TET2: variants seen among roughly 807,000 people sequenced by gnomAD.
TET2 encodes methylcytosine dioxygenase TET2.
TET2 carries 299 observed loss-of-function variants against 142.9 expected under a neutral mutation model. The ratio of observed to expected loss-of-function variants is 2.09; its 90% CI spans 1.90 to 2.30. The LOEUF (loss-of-function observed/expected upper bound fraction) is 2.30. Ranked by LOEUF, TET2 falls within the 30% of genes most tolerant of loss-of-function variation. TET2 has a pLI of 0.00. For synonymous variants in TET2, 819 were observed against 849.0 expected (o/e 0.96, Z 0.61); for missense variants, 2,418 against 2,378.0 (o/e 1.02, Z -0.35).
intron 1 of TET2, chr4:105,171,591 A>C (rs1437945425): frequency 1.3e-5 from 2 of 152,206 alleles, no homozygotes; most frequent in Admixed American, 6.5e-5. Context: ...ACTTACTGAG[A>C]TATCTTCTGT....
intron 6 of TET2, among the ~76,000 whole-genome samples, chr4:105,250,787 G>A (rs950956498): frequency 2.0e-5 from 3 of 152,040 alleles, no homozygotes; most frequent in Admixed American, 6.6e-5. Flanking sequence ...CCACCTCCGG[G>A]TTCAAGTGAT....
chr4:105,182,835 A>T lies in TET2; in HGVS notation c.-192-7525A>T, dbSNP rs563042137. Among the ~76,000 whole-genome samples, 6 of 152,206 alleles carry T rather than the reference A, an allele frequency of 3.9e-5. No homozygotes were observed. In the East Asian group the frequency reaches 1.2e-3, roughly 29 times the overall value. Reference sequence around the variant, plus strand: ...TAGAATTTTTATAATTGATCCTTTGATGTTTATATTCATGATATTAATGTA... The same window carrying T: ...TAGAATTTTTATAATTGATCCTTTGTTGTTTATATTCATGATATTAATGTA... On this transcript the variant is annotated intron_variant, in intron 1 of 10. Coordinates refer to ENST00000380013, the MANE Select transcript of TET2 (RefSeq NM_001127208.3).
intron 6 of TET2, among the ~76,000 whole-genome samples, chr4:105,244,946 A>G (rs763806640): frequency 1.3e-5 from 2 of 152,190 alleles, no homozygotes; most frequent in Non-Finnish European, 2.9e-5. Context: ...TTAATTTTGC[A>G]CTATTTCCTT....
At chr4:105,191,680 A>G (rs1725798233) in intron 2 of TET2, among the ~76,000 whole-genome samples, 1 of 152,152 alleles carries the variant, frequency 6.6e-6, no homozygotes, top group Admixed American at 6.5e-5. Flanking sequence ...GATACTTCTC[A>G]GAGACTGTTC....
At chr4:105,153,507 G>A (rs1038769860) in intron 1 of TET2, among the ~76,000 whole-genome samples, 1 of 152,100 alleles carries the variant, frequency 6.6e-6, no homozygotes, top group African/African-American at 2.4e-5. Context: ...TGATAGAATG[G>A]CCTTTATGTT....
At position 105,277,623 on chromosome 4, in the gene TET2, G is replaced by A. The variant is rs890116607; in HGVS notation, c.*1104G>A. 2 of 229,322 alleles carry A rather than the reference G, an allele frequency of 8.7e-6. No homozygotes were observed. The highest frequency in any genetic ancestry group is 1.7e-5 in the Non-Finnish European group (2 of 115,776). The allele number at this position is 229,322 out of a possible 1,614,324, so 14.2% of individuals were successfully genotyped here. ...ACACAGCCAGTTAAATCCACCATGG[G>A]GCTTACTGGATTCAAGGGAATACGT... On this transcript the variant is annotated 3_prime_UTR_variant, in exon 11 of 11. Transcript: ENST00000380013.
chr4:105,275,944 G>A lies in TET2; in HGVS notation c.5434G>A (p.Val1812Ile), dbSNP rs2110315157. ...PALNHDRTACVQGGLHKLSDA... is the reference protein window; with the variant it reads ...PALNHDRTACIQGGLHKLSDA... ...TCTTAACCATGATAGAACTGCTTGT[G>A]TCCAAGGAGGCTTACACAAATTAAG... Residue 1812 changes from valine (V) to isoleucine (I), a missense_variant, in exon 11 of 11, where the codon GTC (valine) becomes ATC (isoleucine). Physicochemically the swap from Val to Ile is conservative, Grantham distance 29. Coordinates refer to ENST00000380013, the MANE Select transcript of TET2 (RefSeq NM_001127208.3). The A allele has an allele frequency of 2.6e-6, 4 of 1,551,906 alleles. No individual in the cohort carries two copies. The highest frequency in any genetic ancestry group is 3.5e-6 in the Non-Finnish European group (4 of 1,147,000).
At chr4:105,198,656 A>G (rs1188498037) in intron 2 of TET2, among the ~76,000 whole-genome samples, 1 of 152,236 alleles carries the variant, frequency 6.6e-6, no homozygotes, top group Non-Finnish European at 1.5e-5. Context: ...TATTATTATC[A>G]TCTGGAAAAA....
At chr4:105,220,777 C>T (rs906476066) in intron 2 of TET2, among the ~76,000 whole-genome samples, 6 of 152,154 alleles carry the variant, frequency 3.9e-5, no homozygotes, top group South Asian at 2.1e-4. Flanking sequence ...TCTCACTGCA[C>T]AGTACCCTGA....
chr4:105,193,921 G>T (rs1725929680), intron 2 of TET2, among the ~76,000 whole-genome samples: 1 of 152,044 alleles, frequency 6.6e-6, no homozygotes, highest in Non-Finnish European at 1.5e-5. Context: ...TCCAAATTTT[G>T]TATTTTTATA....
Position 105,156,161 on chromosome 4 carries a change from C to T in TET2, c.-193+9182C>T, listed in dbSNP as rs146968833. ...AGTACTTCATCTTTGCTTTTTAATG[C>T]ACTTCCAAAAAATGTAAATCTGTTC... On this transcript the variant is annotated intron_variant, in intron 1 of 10. Coordinates refer to ENST00000380013, the MANE Select transcript of TET2 (RefSeq NM_001127208.3). 7.6e-3 allele frequency among the ~76,000 whole-genome samples: 1,162 copies of T among 152,234 alleles called. 6 individuals are homozygous for T. Among genetic ancestry groups the T allele is most frequent in the Non-Finnish European group, 0.012 (829 of 68,000 alleles).
chr4:105,159,813 G>A (rs1456463334), intron 1 of TET2, among the ~76,000 whole-genome samples: 1 of 152,072 alleles, frequency 6.6e-6, no homozygotes, highest in Non-Finnish European at 1.5e-5. Flanking sequence ...AGATCATCCT[G>A]GCCAACACGG....
chr4:105,248,257 G>GT, intron 6 of TET2, among the ~76,000 whole-genome samples: 1 of 152,108 alleles, frequency 6.6e-6, no homozygotes, highest in Admixed American at 6.5e-5. Flanking sequence ...ATCATTGCCT[G>GT]TTTCTATTAT....
At chr4:105,267,838 A>C (rs1386842218) in intron 8 of TET2, among the ~76,000 whole-genome samples, 1 of 152,090 alleles carries the variant, frequency 6.6e-6, no homozygotes, top group Non-Finnish European at 1.5e-5. Context: ...ATAAAAAATG[A>C]TGTTGAAAAG....
At position 105,278,614 on chromosome 4, in the gene TET2, T is replaced by A. The variant is rs1731326636; in HGVS notation, c.*2095T>A. On this transcript the variant is annotated 3_prime_UTR_variant, in exon 11 of 11. Coordinates refer to ENST00000380013, the MANE Select transcript of TET2 (RefSeq NM_001127208.3). ...CTTTTATTTTGAATCCCTTCTATTTTACTTGTACATGTGCTGATGTAACTA... is the reference window on the plus strand; with the variant it reads ...CTTTTATTTTGAATCCCTTCTATTTAACTTGTACATGTGCTGATGTAACTA... The A allele has an allele frequency of 8.6e-6, 2 of 232,276 alleles. No homozygotes were observed. Among genetic ancestry groups the A allele is most frequent in the Non-Finnish European group, 1.7e-5 (2 of 117,522 alleles). 14.4% of individuals were successfully genotyped at this position (232,276 alleles called of 1,614,324 possible). A position where few individuals can be genotyped will look rare whatever the true frequency, so the allele number is the denominator to read the frequency against.
At position 105,235,043 on chromosome 4, in the gene TET2, T is replaced by C; in HGVS notation, c.1101T>C (p.Ser367=). The C allele has an allele frequency of 6.2e-7, 1 of 1,614,156 alleles. No individual in the cohort carries two copies. The highest frequency in any genetic ancestry group is 8.5e-7 in the Non-Finnish European group (1 of 1,180,022). Residue 367 remains serine (S), a synonymous_variant, in exon 3 of 11, where the codon TCT becomes TCC. Coordinates refer to ENST00000380013, the MANE Select transcript of TET2 (RefSeq NM_001127208.3). ...ATTTGCAAGCTCCTGGTGGCAGCTC[T>C]GAACGGTATTTAAAACAAAATGAAA... The part of the protein sequence containing the change: ...SSNLQAPGGS[S]ERYLKQNEMN...
At chr4:105,169,137 T>C (rs1006414078) in intron 1 of TET2, among the ~76,000 whole-genome samples, 1 of 152,212 alleles carries the variant, frequency 6.6e-6, no homozygotes, top group Non-Finnish European at 1.5e-5. Context: ...AGTTGTACTT[T>C]TAGTTATTTA....
intron 8 of TET2, among the ~76,000 whole-genome samples, chr4:105,267,917 TA>T: frequency 6.6e-6 from 1 of 152,232 alleles, no homozygotes; most frequent in Middle Eastern, 3.4e-3. Context: ...TCAACATTCA[TA>T]AAAGGAAACT....
intron 6 of TET2, among the ~76,000 whole-genome samples, chr4:105,245,589 C>T (rs1168553828): frequency 6.6e-6 from 1 of 152,188 alleles, no homozygotes; most frequent in African/African-American, 2.4e-5. Flanking sequence ...CTCGGCCTCC[C>T]AGAGTGCTGG....
Sources: allele counts gnomAD v4.1 joint callset (sites outside exome capture counted in the v4.1 genomes callset), GRCh38; gene constraint gnomAD v4.1.1; transcripts MANE v1.5; gene names NCBI Gene and HGNC (gene_info 2026-07-23, HGNC 2026-07-21).